The following TG variants were observed in gnomAD, a reference collection of about 807,000 sequenced individuals.
TG encodes thyroglobulin, also known as thyroid hormones.
TG carries 270 observed loss-of-function variants against 324.7 expected under a neutral mutation model. The observed-to-expected ratio is 0.83, with a 90% CI of 0.75 to 0.92. The LOEUF (loss-of-function observed/expected upper bound fraction) is 0.92, where lower values mean the gene tolerates loss of function less well. Ranked by LOEUF, TG falls within the 40% of genes least tolerant of loss-of-function variation. The pLI is 0.00. For missense variants in TG, 3,591 were observed against 3,456.4 expected (o/e 1.04, Z -0.98); for synonymous variants, 1,401 against 1,327.0 (o/e 1.06, Z -1.21).
intron 41 of TG, among the ~76,000 whole-genome samples, chr8:133,034,870 T>G (rs1564094613): frequency 6.6e-6 from 1 of 152,196 alleles, no homozygotes; most frequent in Non-Finnish European, 1.5e-5. Flanking sequence ...GCTTTGCTGG[T>G]AAGGGGCACA....
intron 24 of TG, among the ~76,000 whole-genome samples, chr8:132,934,403 A>C (rs1823254232): frequency 6.6e-6 from 1 of 152,224 alleles, no homozygotes; most frequent in Non-Finnish European, 1.5e-5. Context: ...AGAACCACAT[A>C]ACATTGCTGT....
intron 41 of TG, among the ~76,000 whole-genome samples, chr8:133,065,792 A>G (rs1268466710): frequency 6.6e-6 from 1 of 152,026 alleles, no homozygotes; most frequent in Non-Finnish European, 1.5e-5. Context: ...AAAATAAAAT[A>G]AAATAAAAAA....
At position 132,915,865 on chromosome 8, in the gene TG, C is replaced by T. The variant is rs4736427; in HGVS notation, c.4378+2600C>T. Among the ~76,000 whole-genome samples, 50 of 152,346 alleles carry T rather than the reference C, an allele frequency of 3.3e-4. 1 individual carries two copies. Among genetic ancestry groups the T allele is most frequent in the Middle Eastern group, 6.8e-3 (2 of 294 alleles). ...TCACAAAGACTTGTCAATCACACCA[C>T]ATGGCCCCATCCTCTTACTCCAAAG... On this transcript the variant is annotated intron_variant, in intron 20 of 47. Coordinates refer to ENST00000220616, the MANE Select transcript of TG (RefSeq NM_003235.5).
At chr8:132,901,214 G>C in intron 15 of TG, 139 bp from the exon 16 acceptor site, 1 of 909,760 alleles carries the variant, frequency 1.1e-6, no homozygotes, top group South Asian at 1.4e-5. Context: ...CCTCCTGGTG[G>C]GGAGGCAGCC....
At chr8:132,976,595 G>T (rs1830203904) in intron 34 of TG, among the ~76,000 whole-genome samples, 1 of 152,196 alleles carries the variant, frequency 6.6e-6, no homozygotes, top group African/African-American at 2.4e-5. Context: ...ACTGTGCACT[G>T]CCTGCTTGCA....
At chr8:132,998,171 A>C (rs1833059670) in intron 35 of TG, among the ~76,000 whole-genome samples, 1 of 152,128 alleles carries the variant, frequency 6.6e-6, no homozygotes, top group Non-Finnish European at 1.5e-5. Flanking sequence ...AGAAATCAAG[A>C]GGGAAAGATA....
chr8:132,873,204 G>A lies in TG; in HGVS notation c.621G>A (p.Leu207=). The A allele has an allele frequency of 1.2e-6, 2 of 1,614,100 alleles. No homozygotes were observed. The highest frequency in any genetic ancestry group is 1.7e-6 in the Non-Finnish European group (2 of 1,180,012). The part of the protein sequence containing the change: ...VNTTDMMIFD[L]VHSYNRFPDA... Reference sequence around the variant, plus strand: ...CCACAGACATGATGATTTTTGATCTGGTCCACAGCTACAACAGGTAAGGGG... The same window carrying A: ...CCACAGACATGATGATTTTTGATCTAGTCCACAGCTACAACAGGTAAGGGG... The change falls in exon 5 of 48, where the codon CTG becomes CTA. Residue 207 remains leucine, a synonymous_variant. Coordinates refer to ENST00000220616, the MANE Select transcript of TG (RefSeq NM_003235.5).
intron 41 of TG, among the ~76,000 whole-genome samples, chr8:133,071,798 C>T (rs1844090483): frequency 6.6e-6 from 1 of 152,158 alleles, no homozygotes; most frequent in Admixed American, 6.5e-5. Flanking sequence ...CGGCACATAC[C>T]ACGATTTGTC....
At position 132,933,602 on chromosome 8, in the gene TG, A is replaced by T. The variant is rs1331533488; in HGVS notation, c.4858A>T (p.Thr1620Ser). ...GGCCTGCAGCTTCTTCACCGTGTCC[A>T]CGACGGAGCCAGAGATTTCCTGTGA... ...DEACSFFTVS[T>S]TEPEISCDFY... The change falls in exon 24 of 48, where the codon ACG (threonine) becomes TCG (serine). Residue 1620 changes from threonine to serine, a missense_variant. Thr to Ser is a moderately conservative substitution (Grantham distance 58). Transcript: ENST00000220616. 5 of 1,614,040 alleles carry T rather than the reference A, an allele frequency of 3.1e-6. No individual in the cohort carries two copies. The South Asian group carries it at 5.5e-5, about 18-fold the overall frequency.
chr8:133,134,478 C>T (rs1852202601), intron 47 of TG, among the ~76,000 whole-genome samples, 198 bp from the exon 48 acceptor site: 1 of 152,192 alleles, frequency 6.6e-6, no homozygotes, highest in Admixed American at 6.5e-5. Context: ...ACAACAAATC[C>T]AAGTACCATT....
Position 133,134,877 on chromosome 8 carries a change from A to G in TG, c.*83A>G, listed in dbSNP as rs1435268573. 12 of 1,053,858 alleles carry G rather than the reference A, an allele frequency of 1.1e-5. No homozygotes were observed. The highest frequency in any genetic ancestry group is 1.7e-5 in the Admixed American group (1 of 57,254). 65.3% of individuals were successfully genotyped at this position (1,053,858 alleles called of 1,614,324 possible). ...TCTCTAAAATAGCCACTTACCTTCA[A>G]TAAAGTATCTACATGCGGTGAAGCA... On this transcript the variant is annotated 3_prime_UTR_variant, in exon 48 of 48. Transcript: ENST00000220616.
At chr8:132,977,221 C>CT (rs979317425) in intron 34 of TG, among the ~76,000 whole-genome samples, 1 of 152,158 alleles carries the variant, frequency 6.6e-6, no homozygotes, top group African/African-American at 2.4e-5. Context: ...GAAGTAGCCT[C>CT]TATGGGACTA....
chr8:132,967,689 G>C, intron 30 of TG, 105 bp from the exon 31 acceptor site: 1 of 1,296,778 alleles, frequency 7.7e-7, no homozygotes, highest in Non-Finnish European at 1.1e-6. Context: ...GCCCTAACTA[G>C]GAGGGATCTC....
chr8:133,031,369 T>A (rs1414006761), intron 41 of TG, among the ~76,000 whole-genome samples: 2 of 152,230 alleles, frequency 1.3e-5, no homozygotes, highest in Non-Finnish European at 2.9e-5. Flanking sequence ...ACTCATCTGT[T>A]GATGGACATT....
intron 43 of TG, among the ~76,000 whole-genome samples, chr8:133,110,100 G>C (rs1850138946): frequency 6.6e-6 from 1 of 152,162 alleles, no homozygotes; most frequent in Non-Finnish European, 1.5e-5. Flanking sequence ...GATTATGCCT[G>C]CCACGTAGCA....
intron 40 of TG, among the ~76,000 whole-genome samples, chr8:133,025,621 G>A (rs1294218872): frequency 6.6e-6 from 1 of 152,042 alleles, no homozygotes; most frequent in Non-Finnish European, 1.5e-5. Context: ...CCTGTGTGTT[G>A]GATGCTCTCT....
chr8:132,918,683 C>T (rs1032250510), intron 20 of TG, among the ~76,000 whole-genome samples: 2 of 152,210 alleles, frequency 1.3e-5, no homozygotes, highest in African/African-American at 2.4e-5. Flanking sequence ...GAGCTCAAAT[C>T]TCACCTCTGA....
intron 43 of TG, chr8:133,102,574 T>A: frequency 6.4e-7 from 1 of 1,551,392 alleles, no homozygotes; most frequent in Non-Finnish European, 8.7e-7. Context: ...CAGGGCTGCC[T>A]GAGATGTTCT....
chr8:132,898,713 C>G, intron 13 of TG, 85 bp from the exon 14 acceptor site: 1 of 1,146,748 alleles, frequency 8.7e-7, no homozygotes. Flanking sequence ...AGGCTCATGA[C>G]CCTTAAAGGT....
Sources: allele counts gnomAD v4.1 joint callset (sites outside exome capture counted in the v4.1 genomes callset), GRCh38; gene constraint gnomAD v4.1.1; transcripts MANE v1.5; gene names NCBI Gene and HGNC (gene_info 2026-07-23, HGNC 2026-07-21).